ARAP2: variants seen among roughly 807,000 people sequenced by gnomAD.
The protein encoded by ARAP2 is arf-GAP with Rho-GAP domain, ANK repeat and PH domain-containing protein 2.
In ARAP2, 148 loss-of-function variants were observed where a neutral mutation model predicts 194.5. The observed-to-expected ratio is 0.76, with a 90% CI of 0.67 to 0.87. ARAP2 has a LOEUF of 0.87. ARAP2 is among the 40% of genes least tolerant of loss of function. The probability of loss-of-function intolerance (pLI) is 0.00; values close to 1 mark genes in which losing one functional copy is unlikely to be tolerated. For synonymous variants in ARAP2, 695 were observed against 683.5 expected (o/e 1.02, Z -0.26); for missense variants, 2,128 against 1,989.7 (o/e 1.07, Z -1.32).
chr4:36,054,348 C>T (rs977075302), intron 2 of ARAP2, among the ~76,000 whole-genome samples: 8 of 152,198 alleles, frequency 5.3e-5, no homozygotes, highest in Admixed American at 5.2e-4. Context: ...CTCAATTATT[C>T]TAAAAATGGG....
At chr4:36,052,337 C>T (rs1577668050) in intron 2 of ARAP2, among the ~76,000 whole-genome samples, 1 of 152,156 alleles carries the variant, frequency 6.6e-6, no homozygotes, top group Non-Finnish European at 1.5e-5. Flanking sequence ...AAGAGCAAAC[C>T]TAAATTTATT....
intron 28 of ARAP2, among the ~76,000 whole-genome samples, chr4:36,089,523 G>A (rs1188503612): frequency 6.6e-6 from 1 of 152,072 alleles, no homozygotes; most frequent in East Asian, 1.9e-4. Flanking sequence ...GTTTTACAGA[G>A]TGATTGTGTG....
intron 19 of ARAP2, among the ~76,000 whole-genome samples, chr4:36,138,598 T>C (rs1044621213): frequency 6.6e-6 from 1 of 151,722 alleles, no homozygotes. Context: ...CATACTCTGT[T>C]AACACATTCA....
At chr4:36,063,822 T>G (rs558596602), downstream of ARAP2, among the ~76,000 whole-genome samples, 1 of 152,234 alleles carries the variant, frequency 6.6e-6, no homozygotes, top group Admixed American at 6.5e-5. Flanking sequence ...TAAGTCTTCA[T>G]GCAAATTTTG....
intron 27 of ARAP2, among the ~76,000 whole-genome samples, chr4:36,102,580 GAC>G (rs1266974033): frequency 2.6e-5 from 4 of 151,990 alleles, no homozygotes; most frequent in Admixed American, 6.6e-5. Context: ...CCTTGAATAA[GAC>G]ACATTCAGTG....
intron 1 of ARAP2, among the ~76,000 whole-genome samples, chr4:36,059,610 G>C (rs1345687552): frequency 1.5e-4 from 23 of 152,168 alleles, no homozygotes; most frequent in Admixed American, 1.5e-3. Flanking sequence ...AAACATATGG[G>C]TAGTGCAGAA....
intron 2 of ARAP2, among the ~76,000 whole-genome samples, chr4:36,216,928 C>A (rs1040937376): frequency 1.3e-5 from 2 of 152,168 alleles, no homozygotes; most frequent in African/African-American, 4.8e-5. Flanking sequence ...CATGGTACAG[C>A]CTACTTCACA....
chr4:36,158,643 T>C, intron 15 of ARAP2, 87 bp downstream of exon 15: 1 of 1,176,310 alleles, frequency 8.5e-7, no homozygotes, highest in Non-Finnish European at 1.2e-6. Flanking sequence ...ATCTAACATC[T>C]CAAAAAAATC....
At chr4:36,013,299 TA>T (rs1158301621) in intron 8 of ARAP2, among the ~76,000 whole-genome samples, 2 of 152,168 alleles carry the variant, frequency 1.3e-5, no homozygotes, top group Admixed American at 1.3e-4. Context: ...CTAAATGACG[TA>T]ATACCCTTTC....
intron 19 of ARAP2, among the ~76,000 whole-genome samples, chr4:36,138,450 A>G (rs540406557): frequency 6.6e-6 from 1 of 151,778 alleles, no homozygotes; most frequent in African/African-American, 2.4e-5. Context: ...AAAGCTTCAT[A>G]GGAATGGAAT....
intron 6 of ARAP2, among the ~76,000 whole-genome samples, chr4:36,204,691 T>C (rs1745139160): frequency 6.6e-6 from 1 of 152,086 alleles, no homozygotes; most frequent in South Asian, 2.1e-4. Flanking sequence ...AGTACACATA[T>C]TAAAAATTAA....
chr4:36,032,965 T>C (rs1476799469), intron 5 of ARAP2, among the ~76,000 whole-genome samples: 1 of 151,628 alleles, frequency 6.6e-6, no homozygotes, highest in East Asian at 2.0e-4. Context: ...ATAAGTATAC[T>C]GATGTCCAGC....
Position 36,210,457 on chromosome 4 carries a change from C to T in ARAP2, c.1420G>A (p.Ala474Thr). The stretch of plus-strand genomic sequence containing the variant: ...TTTGCAGATGCTCCATAAAAGCAGG[C>T]ATAGGGAGATATTGCCTGTGAAGAA... ...AVSSQAISPYACFYGASAKKV... is the reference protein window; with the variant it reads ...AVSSQAISPYTCFYGASAKKV... Residue 474 changes from alanine to threonine, a missense_variant, in exon 6 of 33, where the codon GCC becomes ACC. Physicochemically the swap from Ala to Thr is moderately conservative, Grantham distance 58. Coordinates refer to ENST00000303965, the MANE Select transcript of ARAP2 (RefSeq NM_015230.4). 1 of 1,613,876 alleles carries T rather than the reference C, an allele frequency of 6.2e-7. No homozygotes were observed. The highest frequency in any genetic ancestry group is 8.5e-7 in the Non-Finnish European group (1 of 1,179,838).
chr4:36,158,482 A>G (rs1227566444), intron 15 of ARAP2, among the ~76,000 whole-genome samples: 7 of 152,276 alleles, frequency 4.6e-5, no homozygotes, highest in Non-Finnish European at 8.8e-5. Context: ...TTGAAACAGA[A>G]TTGGTTAGCC....
intron 12 of ARAP2, among the ~76,000 whole-genome samples, chr4:36,160,932 G>A (rs1423384635): frequency 6.6e-6 from 1 of 152,178 alleles, no homozygotes; most frequent in Non-Finnish European, 1.5e-5. Flanking sequence ...AACTGAGACA[G>A]CTTCACTTTA....
At chr4:36,154,108 T>C (rs1439723101) in intron 15 of ARAP2, among the ~76,000 whole-genome samples, 3 of 152,182 alleles carry the variant, frequency 2.0e-5, no homozygotes, top group East Asian at 1.9e-4. Context: ...ATCTGTTATA[T>C]GCTTGAACTA....
chr4:36,169,265 T>C (rs1262309924), intron 9 of ARAP2, among the ~76,000 whole-genome samples: 1 of 152,104 alleles, frequency 6.6e-6, no homozygotes, highest in Non-Finnish European at 1.5e-5. Context: ...TCATTCCAGG[T>C]TATATTCTCT....
Position 36,159,323 on chromosome 4 carries a change from T to C in ARAP2, c.2617+8A>G. On this transcript the variant is annotated splice_region_variant and intron_variant, in intron 14 of 32. Transcript: ENST00000303965. ...AGAGACCAGGTTAATGAAGAGACAG[T>C]GACGAACCTGAGAATTTGTTATGGT... 5 of 1,591,790 alleles carry C rather than the reference T, an allele frequency of 3.1e-6. No homozygotes were observed. Among genetic ancestry groups the C allele is most frequent in the East Asian group, 2.3e-5 (1 of 44,128 alleles).
chr4:36,024,766 A>C (rs1218181219), intron 5 of ARAP2, among the ~76,000 whole-genome samples: 1 of 152,164 alleles, frequency 6.6e-6, no homozygotes, highest in Non-Finnish European at 1.5e-5. Flanking sequence ...CCTATTCAAT[A>C]TGTAGGCTAA....
Sources: allele counts gnomAD v4.1 joint callset (sites outside exome capture counted in the v4.1 genomes callset), GRCh38; gene constraint gnomAD v4.1.1; transcripts MANE v1.5; gene names NCBI Gene and HGNC (gene_info 2026-07-23, HGNC 2026-07-21).